ADGRL3: variants seen among roughly 807,000 people sequenced by gnomAD.
ADGRL3 encodes calcium-independent alpha-latrotoxin receptor 3.
Under a neutral mutation model 153.5 loss-of-function variants are expected in ADGRL3, and 62 were observed. The observed-to-expected ratio is 0.40, with a 90% CI of 0.33 to 0.50. The LOEUF is 0.50. Ranked by LOEUF, ADGRL3 falls within the 20% of genes least tolerant of loss-of-function variation. The pLI is 0.47. For synonymous variants in ADGRL3, 710 were observed against 672.5 expected (o/e 1.06, Z -0.86); for missense variants, 1,641 against 1,859.4 (o/e 0.88, Z 2.16).
intron 11 of ADGRL3, 133 bp from the exon 12 acceptor site, chr4:61,909,427 A>C: frequency 1.6e-6 from 1 of 620,520 alleles, no homozygotes; most frequent in Non-Finnish European, 2.7e-6. Context: ...AGTGTATTCC[A>C]GATGAAGATG....
intron 25 of ADGRL3, among the ~76,000 whole-genome samples, chr4:62,059,983 T>A (rs1445036576): frequency 6.6e-6 from 1 of 152,130 alleles, no homozygotes; most frequent in Admixed American, 6.6e-5. Flanking sequence ...ACATAGATTA[T>A]TTTTAAAATC....
chr4:62,075,808 C>T lies in ADGRL3; in HGVS notation c.*4900C>T, dbSNP rs796269475. The T allele has an allele frequency of 6.6e-6, 1 of 152,250 alleles. No homozygotes were observed. Among genetic ancestry groups the T allele is most frequent in the African/African-American group, 2.4e-5 (1 of 41,568 alleles). The allele number at this position is 152,250 out of a possible 1,614,324, so 9.4% of individuals were successfully genotyped here. On this transcript the variant is annotated 3_prime_UTR_variant, in exon 27 of 27. Coordinates refer to ENST00000683033, the MANE Select transcript of ADGRL3 (RefSeq NM_001387552.1). ...ATAAAATATATTCAATGGATCCCAA[C>T]ATTAAATTTAACTTTGCAATCAGCA...
chr4:61,412,618 A>C (rs148258647), intron 2 of ADGRL3, among the ~76,000 whole-genome samples: 1 of 152,042 alleles, frequency 6.6e-6, no homozygotes, highest in Non-Finnish European at 1.5e-5. Context: ...TCATTTTTCC[A>C]GTCTGTTTCT....
Position 61,948,286 on chromosome 4 carries a change from A to G in ADGRL3, c.2805+10A>G, listed in dbSNP as rs760081512. On this transcript the variant is annotated intron_variant, in intron 17 of 26. Coordinates refer to ENST00000683033, the MANE Select transcript of ADGRL3 (RefSeq NM_001387552.1). ...ACATGTGGAAGTTAAGGTAAGATAT[A>G]TACCATACAATGAAAATGTTTTAGT... The G allele has an allele frequency of 2.5e-6, 4 of 1,603,274 alleles. No homozygotes were observed. Among genetic ancestry groups the G allele is most frequent in the South Asian group, 1.1e-5 (1 of 90,700 alleles).
intron 3 of ADGRL3, among the ~76,000 whole-genome samples, chr4:61,511,141 T>G (rs2098461581): frequency 1.3e-5 from 2 of 152,128 alleles, no homozygotes. Context: ...GCTGATCACT[T>G]GAGGTAGGGA....
intron 5 of ADGRL3, among the ~76,000 whole-genome samples, chr4:61,656,459 C>G (rs915148153): frequency 6.6e-6 from 1 of 151,950 alleles, no homozygotes; most frequent in Non-Finnish European, 1.5e-5. Context: ...AGGGTAAATA[C>G]TTATTGAGAC....
At chr4:62,057,457 A>G (rs578038830) in intron 25 of ADGRL3, among the ~76,000 whole-genome samples, 210 of 152,288 alleles carry the variant, frequency 1.4e-3, no homozygotes, top group African/African-American at 4.9e-3. Context: ...AAAAAAGAAG[A>G]GAACTTTCTT....
At chr4:62,020,392 T>C (rs1407725171) in intron 21 of ADGRL3, among the ~76,000 whole-genome samples, 1 of 152,080 alleles carries the variant, frequency 6.6e-6, no homozygotes, top group Non-Finnish European at 1.5e-5. Flanking sequence ...CCCACAGTTA[T>C]AGGTTCTAAG....
At chr4:61,356,945 C>A (rs956959119) in intron 1 of ADGRL3, among the ~76,000 whole-genome samples, 25 of 151,890 alleles carry the variant, frequency 1.6e-4, no homozygotes, top group African/African-American at 6.0e-4. Flanking sequence ...TGTTTGCCAA[C>A]TTGCTGATAT....
intron 25 of ADGRL3, among the ~76,000 whole-genome samples, chr4:62,044,847 T>C (rs1730262818): frequency 6.6e-6 from 1 of 152,018 alleles, no homozygotes; most frequent in African/African-American, 2.4e-5. Flanking sequence ...GCAGTGAAAA[T>C]GGGCAATTAT....
chr4:61,706,151 G>T (rs2095853892), intron 6 of ADGRL3, among the ~76,000 whole-genome samples: 1 of 152,090 alleles, frequency 6.6e-6, no homozygotes, highest in Non-Finnish European at 1.5e-5. Context: ...GCCAGGCGCG[G>T]TGGCTCACGC....
At chr4:61,993,055 CTT>C (rs2099108834) in intron 19 of ADGRL3, among the ~76,000 whole-genome samples, 1 of 151,810 alleles carries the variant, frequency 6.6e-6, no homozygotes, top group South Asian at 2.1e-4. Flanking sequence ...CTTTCAAAAA[CTT>C]ATTTGACCTA....
chr4:61,816,623 G>A (rs1171873200), intron 9 of ADGRL3, among the ~76,000 whole-genome samples: 2 of 152,076 alleles, frequency 1.3e-5, no homozygotes, highest in East Asian at 1.9e-4. Flanking sequence ...AAAATCAAAC[G>A]ACAAAAAAAC....
chr4:61,890,917 T>G (rs2149584668), intron 9 of ADGRL3, among the ~76,000 whole-genome samples: 1 of 152,314 alleles, frequency 6.6e-6, no homozygotes, highest in African/African-American at 2.4e-5. Context: ...GTAGGTAATG[T>G]TTTCTTTTTA....
At chr4:61,345,408 A>G (rs1402905668) in intron 1 of ADGRL3, among the ~76,000 whole-genome samples, 2 of 152,124 alleles carry the variant, frequency 1.3e-5, no homozygotes, top group African/African-American at 4.8e-5. Flanking sequence ...AAATAATTAC[A>G]TATTTTGTTA....
At chr4:61,428,369 A>G (rs2097307981) in intron 2 of ADGRL3, 1 of 152,288 alleles carries the variant, frequency 6.6e-6, no homozygotes, top group South Asian at 2.1e-4. Context: ...CTGCTGTGTC[A>G]TGCTATGCCA....
At chr4:61,852,159 G>A (rs2098212328) in intron 9 of ADGRL3, among the ~76,000 whole-genome samples, 1 of 151,872 alleles carries the variant, frequency 6.6e-6, no homozygotes, top group South Asian at 2.1e-4. Context: ...AAAAAAGGAA[G>A]GTTTTTAAAT....
chr4:61,561,657 A>G (rs1405625141), intron 4 of ADGRL3, among the ~76,000 whole-genome samples: 1 of 152,124 alleles, frequency 6.6e-6, no homozygotes, highest in African/African-American at 2.4e-5. Context: ...TTTTCTGCAC[A>G]TGTTTCTATT....
At chr4:61,997,546 C>G (rs568486756) in intron 20 of ADGRL3, among the ~76,000 whole-genome samples, 2 of 152,088 alleles carry the variant, frequency 1.3e-5, no homozygotes, top group Non-Finnish European at 2.9e-5. Context: ...TTTTTTTATA[C>G]AGTTTACTTG....
Sources: gnomAD v4.1 joint callset for allele counts (sites outside exome capture counted in the v4.1 genomes callset) on GRCh38, gnomAD v4.1.1 for gene constraint, MANE v1.5 for transcripts, NCBI Gene and HGNC (gene_info 2026-07-23, HGNC 2026-07-21) for gene names.